Variants in LHFPL2 observed in about 807,000 individuals in gnomAD.
The protein encoded by LHFPL2 is LHFPL tetraspan subfamily member 2, also known as LHFPL tetraspan subfamily member 2 protein.
Under a neutral mutation model 17.5 loss-of-function variants are expected in LHFPL2, and 7 were observed. The observed-to-expected ratio is 0.40, with a 90% CI of 0.23 to 0.75. The LOEUF is 0.75. Ranked by LOEUF, LHFPL2 falls within the 30% of genes least tolerant of loss-of-function variation. The pLI is 0.37. For missense variants in LHFPL2, 241 were observed against 294.8 expected (o/e 0.82, Z 1.34); for synonymous variants, 134 against 116.2 (o/e 1.15, Z -0.99).
chr5:78,583,388 T>C (rs1317684559), intron 2 of LHFPL2, among the ~76,000 whole-genome samples: 1 of 151,900 alleles, frequency 6.6e-6, no homozygotes, highest in Admixed American at 6.6e-5. Flanking sequence ...CGATGGTCTT[T>C]ACATTTTGGC....
At chr5:78,600,024 T>C (rs746319259) in intron 2 of LHFPL2, among the ~76,000 whole-genome samples, 3 of 152,150 alleles carry the variant, frequency 2.0e-5, no homozygotes, top group East Asian at 3.9e-4. Context: ...ATAATGAACA[T>C]GCAATATACC....
chr5:78,498,467 CA>C (rs1215233201), intron 4 of LHFPL2, among the ~76,000 whole-genome samples: 1 of 152,188 alleles, frequency 6.6e-6, no homozygotes, highest in East Asian at 1.9e-4. Context: ...GTCATTCTGG[CA>C]GCCCCTAGCA....
intron 2 of LHFPL2, among the ~76,000 whole-genome samples, chr5:78,603,715 T>TA (rs543682949): frequency 3.0e-4 from 46 of 152,234 alleles, no homozygotes; most frequent in African/African-American, 1.0e-3. Context: ...CCTATTCTAC[T>TA]AAAAAATTTT....
chr5:78,591,877 A>T (rs1200444918), intron 2 of LHFPL2, among the ~76,000 whole-genome samples: 1 of 152,212 alleles, frequency 6.6e-6, no homozygotes, highest in African/African-American at 2.4e-5. Flanking sequence ...AGGGCAGCAC[A>T]TATAATCACC....
intron 2 of LHFPL2, among the ~76,000 whole-genome samples, chr5:78,624,421 A>G (rs150958083): frequency 1.1e-4 from 16 of 152,302 alleles, no homozygotes; most frequent in Non-Finnish European, 2.2e-4. Context: ...CAAGGATTCC[A>G]GAGGAAGCAC....
intron 3 of LHFPL2, among the ~76,000 whole-genome samples, chr5:78,550,146 T>C (rs898535523): frequency 1.3e-5 from 2 of 152,206 alleles, no homozygotes; most frequent in African/African-American, 4.8e-5. Context: ...ACTGGACCAC[T>C]AGCAAACCAC....
intron 4 of LHFPL2, among the ~76,000 whole-genome samples, chr5:78,500,974 C>G (rs1214846427): frequency 6.6e-6 from 1 of 152,124 alleles, no homozygotes; most frequent in Non-Finnish European, 1.5e-5. Flanking sequence ...TCAGTGGTTC[C>G]ACAGATATGT....
chr5:78,575,339 G>A (rs1450924689), intron 2 of LHFPL2, among the ~76,000 whole-genome samples: 1 of 152,154 alleles, frequency 6.6e-6, no homozygotes, highest in Non-Finnish European at 1.5e-5. Context: ...ACAAGGTCAG[G>A]AGATCGAGAC....
chr5:78,639,115 C>T (rs541064841), intron 1 of LHFPL2, among the ~76,000 whole-genome samples: 25 of 152,266 alleles, frequency 1.6e-4, no homozygotes, highest in South Asian at 4.1e-4. Context: ...TAAGAGGCCC[C>T]CCAGCCACCT....
chr5:78,527,450 G>A (rs16876265), intron 3 of LHFPL2, among the ~76,000 whole-genome samples: 3,201 of 137,668 alleles, frequency 0.023, 107 homozygotes, highest in East Asian at 0.19. Flanking sequence ...AATGACAACC[G>A]CACTTGCAGA....
chr5:78,580,697 C>T (rs1466067964), intron 2 of LHFPL2, among the ~76,000 whole-genome samples: 4 of 152,192 alleles, frequency 2.6e-5, no homozygotes, highest in East Asian at 1.9e-4. Flanking sequence ...TCTGTTCCAT[C>T]GGTCTATTAT....
chr5:78,604,001 CCCTACCTGCCTGGGCAACATAGCAAGAT>C (rs1429305740), intron 2 of LHFPL2, among the ~76,000 whole-genome samples: 2 of 151,976 alleles, frequency 1.3e-5, no homozygotes, highest in Non-Finnish European at 2.9e-5. Flanking sequence ...CACGGCAAGA[CCCTACCTGCCTGGGCAACATAGCAAGAT>C]CCTATCTCTA....
chr5:78,567,643 T>G (rs1333244265), intron 2 of LHFPL2, among the ~76,000 whole-genome samples: 5 of 152,190 alleles, frequency 3.3e-5, no homozygotes, highest in Admixed American at 6.5e-5. Flanking sequence ...ACCCCTGAGG[T>G]AGCTACCAGT....
chr5:78,622,094 C>T (rs1001087025), intron 2 of LHFPL2, among the ~76,000 whole-genome samples: 14 of 152,104 alleles, frequency 9.2e-5, no homozygotes, highest in East Asian at 3.9e-4. Context: ...TAGGAAGCCC[C>T]GGTAAATGCC....
chr5:78,547,357 A>G (rs1223395524), intron 3 of LHFPL2, among the ~76,000 whole-genome samples: 1 of 152,178 alleles, frequency 6.6e-6, no homozygotes, highest in African/African-American at 2.4e-5. Flanking sequence ...TACTGACTAC[A>G]CATTGAGTTA....
At chr5:78,604,206 G>T (rs1744129641) in intron 2 of LHFPL2, among the ~76,000 whole-genome samples, 1 of 152,146 alleles carries the variant, frequency 6.6e-6, no homozygotes, top group Non-Finnish European at 1.5e-5. Context: ...GGCCGGGCAT[G>T]GTGGCTCATG....
rs1491260246 is a variant in LHFPL2, at chr5:78,570,649, CGT to C, written c.-244-5780_-244-5779del. Among the ~76,000 whole-genome samples the C allele has an allele frequency of 4.9e-5, 7 of 143,608 alleles. No homozygotes were observed. In the East Asian group the frequency reaches 7.9e-4, roughly 16 times the overall value. The allele number at this position is 143,608 out of a possible 152,430, so 94.2% of individuals were successfully genotyped here. On this transcript the variant is annotated intron_variant, in intron 2 of 4. Coordinates refer to ENST00000380345, the MANE Select transcript of LHFPL2 (RefSeq NM_005779.3). ...TATATATATAGTATATATATATATA[CGT>C]ATATATATATATACGTATGATCATT...
At chr5:78,644,120 G>T (rs780532451) in intron 1 of LHFPL2, 3 of 458,342 alleles carry the variant, frequency 6.5e-6, no homozygotes, top group African/African-American at 4.1e-5. Flanking sequence ...ACATTTGGTA[G>T]TGTGTTAACT....
chr5:78,647,117 T>C (rs757269245), intron 1 of LHFPL2, among the ~76,000 whole-genome samples: 1 of 152,208 alleles, frequency 6.6e-6, no homozygotes, highest in Non-Finnish European at 1.5e-5. Flanking sequence ...CAGAATCAGA[T>C]TTCTAACAGA....
Sources: gnomAD v4.1 joint callset for allele counts (sites outside exome capture counted in the v4.1 genomes callset) on GRCh38, gnomAD v4.1.1 for gene constraint, MANE v1.5 for transcripts, NCBI Gene and HGNC (gene_info 2026-07-23, HGNC 2026-07-21) for gene names.